The following TBXAS1 variants were observed in gnomAD, a reference collection of about 807,000 sequenced individuals.
TBXAS1 encodes the protein thromboxane A synthase 1.
Under a neutral mutation model 60.7 loss-of-function variants are expected in TBXAS1, and 48 were observed. The observed-to-expected ratio is 0.79, with a 90% confidence interval of 0.63 to 1.01. The LOEUF (loss-of-function observed/expected upper bound fraction) is 1.01. Among genes scored for constraint, TBXAS1 ranks in the 50% least tolerant of loss-of-function variants. The pLI is 0.00. For synonymous variants in TBXAS1, 287 were observed against 269.7 expected (o/e 1.06, Z -0.63); for missense variants, 685 against 686.3 (o/e 1.00, Z 0.02).
At chr7:139,795,809 A>C in intron 4 of TBXAS1, among the ~76,000 whole-genome samples, 1 of 151,186 alleles carries the variant, frequency 6.6e-6, no homozygotes, top group African/African-American at 2.4e-5. Flanking sequence ...GGTTCTGTCC[A>C]CTCCTCTGCC....
chr7:139,950,779 CCCTCGCCCT>C, intron 5 of TBXAS1, among the ~76,000 whole-genome samples: 1 of 84,694 alleles, frequency 1.2e-5, no homozygotes, highest in African/African-American at 5.5e-5. Flanking sequence ...CTACGGGACC[CCCTCGCCCT>C]CCATCTACGG....
chr7:139,871,511 G>T lies in TBXAS1; in HGVS notation c.90-724G>T, dbSNP rs184496327. 1.9e-3 allele frequency among the ~76,000 whole-genome samples: 289 copies of T among 152,302 alleles called. 1 individual carries two copies. Among genetic ancestry groups the T allele is most frequent in the African/African-American group, 6.6e-3 (273 of 41,572 alleles). On this transcript the variant is annotated intron_variant, in intron 1 of 12. Transcript: ENST00000448866. The stretch of plus-strand genomic sequence containing the variant: ...TCCTATAAACTGTTGAAATACCATA[G>T]TAATTCCAATGTTTTGACAGCCACA...
In TBXAS1 at chr7:139,969,455, TACAAAAAAA is replaced by T. The variant is rs1408961744; in HGVS notation, c.1134+7224_1134+7232del. ...AAGAAAAAAAAGCATATTATGTGCT[TACAAAAAAA>T]AAAAAAAAAAAAAAAAAAGCCGTTT... On this transcript the variant is annotated intron_variant, in intron 9 of 12. Transcript: ENST00000448866. 3.4e-3 allele frequency among the ~76,000 whole-genome samples: 63 copies of T among 18,766 alleles called. 1 individual carries two copies. The highest frequency in any genetic ancestry group is 0.011 in the African/African-American group (60 of 5,378). The allele number at this position is 18,766 out of a possible 152,430, so 12.3% of individuals were successfully genotyped here.
intron 4 of TBXAS1, among the ~76,000 whole-genome samples, chr7:139,914,557 T>C (rs1183166444): frequency 6.6e-6 from 1 of 152,154 alleles, no homozygotes; most frequent in Non-Finnish European, 1.5e-5. Context: ...CTCTACACAG[T>C]ACTTGGCAGG....
intron 9 of TBXAS1, among the ~76,000 whole-genome samples, chr7:139,980,467 G>A (rs1416930607): frequency 1.3e-5 from 2 of 152,094 alleles, no homozygotes; most frequent in Non-Finnish European, 2.9e-5. Context: ...TGTTGTCCAT[G>A]TCTGGTCATC....
At chr7:139,981,874 T>C (rs1812004070) in intron 9 of TBXAS1, among the ~76,000 whole-genome samples, 1 of 151,446 alleles carries the variant, frequency 6.6e-6, no homozygotes, top group Admixed American at 6.6e-5. Context: ...AAAGATGTCA[T>C]TTTTTTCCCC....
At chr7:139,834,494 T>C (rs1423647136) in intron 1 of TBXAS1, among the ~76,000 whole-genome samples, 1 of 151,606 alleles carries the variant, frequency 6.6e-6, no homozygotes, top group Non-Finnish European at 1.5e-5. Context: ...TTGAAACACA[T>C]ACACACACAC....
intron 9 of TBXAS1, among the ~76,000 whole-genome samples, chr7:139,974,703 C>T (rs1046079180): frequency 6.6e-6 from 1 of 152,186 alleles, no homozygotes; most frequent in Non-Finnish European, 1.5e-5. Context: ...GTACATATAG[C>T]TACTCTCATT....
chr7:140,020,255 T>C lies in TBXAS1; in HGVS notation c.*156T>C. On this transcript the variant is annotated 3_prime_UTR_variant, in exon 13 of 13. Transcript: ENST00000448866. ...TCTTTACATAACATTTCCTAAATGC[T>C]TAATAAACGTTTGTTGCACTTGGTT... The C allele has an allele frequency of 1.3e-6, 1 of 773,578 alleles. No individual in the cohort carries two copies. Among genetic ancestry groups the C allele is most frequent in the Non-Finnish European group, 2.2e-6 (1 of 450,188 alleles). 47.9% of individuals were successfully genotyped at this position (773,578 alleles called of 1,614,324 possible). A position where few individuals can be genotyped will look rare whatever the true frequency, so the allele number is the denominator to read the frequency against.
chr7:139,793,171 T>G (rs1039106355), intron 4 of TBXAS1, among the ~76,000 whole-genome samples: 2 of 152,086 alleles, frequency 1.3e-5, no homozygotes, highest in Non-Finnish European at 2.9e-5. Context: ...TCCCAGCACT[T>G]TGGGGAAGGC....
chr7:140,006,437 C>T (rs1378660405), intron 9 of TBXAS1, among the ~76,000 whole-genome samples: 1 of 152,178 alleles, frequency 6.6e-6, no homozygotes, highest in Non-Finnish European at 1.5e-5. Context: ...CCAGCTGTTC[C>T]TAATCTGACC....
chr7:139,857,868 C>A lies in TBXAS1; in HGVS notation c.90-14367C>A, dbSNP rs1031999028. On this transcript the variant is annotated intron_variant, in intron 1 of 12. Transcript: ENST00000448866. Reference sequence around the variant, plus strand: ...GCCTCAGCCTCCCAAGTAGGTGGGTCTACAGGCACACACCACCACACCTGG... The same window carrying A: ...GCCTCAGCCTCCCAAGTAGGTGGGTATACAGGCACACACCACCACACCTGG... Among the ~76,000 whole-genome samples, 2 of 151,686 alleles carry A rather than the reference C, an allele frequency of 1.3e-5. 1 individual carries two copies. The highest frequency in any genetic ancestry group is 2.9e-5 in the Non-Finnish European group (2 of 67,946).
chr7:139,892,783 C>T (rs1016359204), intron 3 of TBXAS1, among the ~76,000 whole-genome samples: 1 of 152,162 alleles, frequency 6.6e-6, no homozygotes, highest in Non-Finnish European at 1.5e-5. Context: ...CAGCCTGCAT[C>T]TTGGGGAGTC....
intron 5 of TBXAS1, among the ~76,000 whole-genome samples, chr7:139,947,849 GTGTGGC>G (rs994720908): frequency 2.7e-5 from 4 of 147,054 alleles, no homozygotes; most frequent in African/African-American, 5.2e-5. Context: ...ACCATTGAGT[GTGTGGC>G]TTAAACAACA....
At chr7:139,981,331 G>A (rs1253156756) in intron 9 of TBXAS1, among the ~76,000 whole-genome samples, 1 of 152,100 alleles carries the variant, frequency 6.6e-6, no homozygotes, top group Non-Finnish European at 1.5e-5. Flanking sequence ...GGCCAGGCTG[G>A]TCTTGAACTC....
At chr7:139,847,151 C>T (rs1025053874) in intron 1 of TBXAS1, among the ~76,000 whole-genome samples, 1 of 152,120 alleles carries the variant, frequency 6.6e-6, no homozygotes, top group African/African-American at 2.4e-5. Context: ...GAAAAGTGCA[C>T]AATAAATCAA....
At chr7:139,963,492 C>G (rs987613056) in intron 9 of TBXAS1, among the ~76,000 whole-genome samples, 1 of 152,150 alleles carries the variant, frequency 6.6e-6, no homozygotes, top group Non-Finnish European at 1.5e-5. Flanking sequence ...ATCCATTAAT[C>G]AATATTCTTT....
intron 1 of TBXAS1, among the ~76,000 whole-genome samples, chr7:139,853,119 A>G (rs1800340884): frequency 6.6e-6 from 1 of 151,874 alleles, no homozygotes; most frequent in Admixed American, 6.6e-5. Context: ...AGATAATGAC[A>G]GATTTATCTG....
intron 4 of TBXAS1, among the ~76,000 whole-genome samples, chr7:139,935,602 G>GA (rs1261567511): frequency 6.6e-6 from 1 of 152,060 alleles, no homozygotes; most frequent in Non-Finnish European, 1.5e-5. Context: ...TGCTGACTGA[G>GA]AAAAAAATGA....
Sources: allele counts gnomAD v4.1 joint callset (sites outside exome capture counted in the v4.1 genomes callset), GRCh38; gene constraint gnomAD v4.1.1; transcripts MANE v1.5; gene names NCBI Gene and HGNC (gene_info 2026-07-23, HGNC 2026-07-21).